Variants in SLC24A3 observed in about 807,000 individuals in gnomAD.
The protein encoded by SLC24A3 is solute carrier family 24 member 3.
Under a neutral mutation model 75.8 loss-of-function variants are expected in SLC24A3, and 28 were observed. The observed-to-expected ratio is 0.37, with a 90% CI of 0.27 to 0.51. The LOEUF (loss-of-function observed/expected upper bound fraction) is 0.51. SLC24A3 is among the 20% of genes least tolerant of loss of function. The pLI is 0.94. For missense variants in SLC24A3, 663 were observed against 847.8 expected (o/e 0.78, Z 2.71); for synonymous variants, 372 against 334.1 (o/e 1.11, Z -1.24).
chr20:19,222,455 G>T (rs1981741085), intron 1 of SLC24A3, among the ~76,000 whole-genome samples: 1 of 152,090 alleles, frequency 6.6e-6, no homozygotes, highest in African/African-American at 2.4e-5. Context: ...ATTTTATTGG[G>T]CAATGCTTCA....
At chr20:19,719,315 G>A (rs573584217) in intron 16 of SLC24A3, among the ~76,000 whole-genome samples, 5 of 152,316 alleles carry the variant, frequency 3.3e-5, no homozygotes, top group East Asian at 3.9e-4. Context: ...AGGAAAAAAA[G>A]TGTTATTTTA....
intron 2 of SLC24A3, among the ~76,000 whole-genome samples, chr20:19,417,892 C>G (rs766316825): frequency 6.6e-6 from 1 of 152,140 alleles, no homozygotes; most frequent in East Asian, 1.9e-4. Context: ...GAAATGAAAG[C>G]CAGACCTGTA....
chr20:19,497,060 A>AGCGATTT (rs1988300268), intron 2 of SLC24A3, among the ~76,000 whole-genome samples: 1 of 152,166 alleles, frequency 6.6e-6, no homozygotes, highest in South Asian at 2.1e-4. Context: ...ATGGGGTACC[A>AGCGATTT]GCGATTTGCC....
At chr20:19,234,721 GAGA>G (rs1254490604) in intron 1 of SLC24A3, among the ~76,000 whole-genome samples, 2 of 152,210 alleles carry the variant, frequency 1.3e-5, no homozygotes, top group East Asian at 1.9e-4. Flanking sequence ...ATGAGGCCAT[GAGA>G]AGAAGGTGAA....
intron 1 of SLC24A3, among the ~76,000 whole-genome samples, chr20:19,251,660 C>A (rs978025139): frequency 2.0e-5 from 3 of 152,162 alleles, no homozygotes; most frequent in African/African-American, 7.2e-5. Context: ...ATTGATCCAC[C>A]TAATTCAGTC....
At chr20:19,449,203 C>T (rs1260975414) in intron 2 of SLC24A3, among the ~76,000 whole-genome samples, 1 of 149,880 alleles carries the variant, frequency 6.7e-6, no homozygotes, top group Non-Finnish European at 1.5e-5. Context: ...GCAGAGTTCT[C>T]TACCACCCCC....
At chr20:19,434,666 C>CTCTGGATGG (rs1261470365) in intron 2 of SLC24A3, among the ~76,000 whole-genome samples, 1 of 152,056 alleles carries the variant, frequency 6.6e-6, no homozygotes, top group Non-Finnish European at 1.5e-5. Flanking sequence ...GCACAGCTGC[C>CTCTGGATGG]TCTGGATGGT....
intron 6 of SLC24A3, among the ~76,000 whole-genome samples, chr20:19,590,950 G>T (rs1394016984): frequency 6.6e-6 from 1 of 152,186 alleles, no homozygotes. Flanking sequence ...AGACAGTCCT[G>T]CTGAGGCCCC....
Position 19,672,858 on chromosome 20 carries a change from C to G in SLC24A3, c.714-743C>G, listed in dbSNP as rs114981520. 6.8e-3 allele frequency among the ~76,000 whole-genome samples: 1,041 copies of G among 152,266 alleles called. 10 individuals carry two copies. The highest frequency in any genetic ancestry group is 0.024 in the African/African-American group (982 of 41,536). On this transcript the variant is annotated intron_variant, in intron 8 of 16. Transcript: ENST00000328041. ...AAGAGAAAAGGAAGGATGGGTATAA[C>G]CTGGAGTTTCCTCATCTGACCATTC...
intron 3 of SLC24A3, among the ~76,000 whole-genome samples, chr20:19,578,751 A>C (rs2031177492): frequency 6.6e-6 from 1 of 152,182 alleles, no homozygotes; most frequent in Non-Finnish European, 1.5e-5. Context: ...TGCTTTGAGA[A>C]GCAAGTAACA....
chr20:19,461,892 A>C (rs954595378), intron 2 of SLC24A3, among the ~76,000 whole-genome samples: 7 of 152,182 alleles, frequency 4.6e-5, no homozygotes, highest in Non-Finnish European at 8.8e-5. Context: ...GGGAAAGTAT[A>C]AGCATTTTCC....
At chr20:19,262,404 C>CAAAAAA (rs58691860) in intron 1 of SLC24A3, among the ~76,000 whole-genome samples, 39 of 75,606 alleles carry the variant, frequency 5.2e-4, no homozygotes, top group East Asian at 8.1e-4. Context: ...GACTCCGTCT[C>CAAAAAA]AAAAAAAAAA....
At chr20:19,641,485 A>G (rs551993432) in intron 6 of SLC24A3, among the ~76,000 whole-genome samples, 17 of 152,214 alleles carry the variant, frequency 1.1e-4, no homozygotes, top group African/African-American at 2.9e-4. Context: ...TGGTGTGTGG[A>G]CTCTGAGATA....
intron 2 of SLC24A3, among the ~76,000 whole-genome samples, chr20:19,481,505 G>T (rs1329487079): frequency 6.6e-6 from 1 of 152,216 alleles, no homozygotes; most frequent in Non-Finnish European, 1.5e-5. Flanking sequence ...AATAGGAGAA[G>T]AATCTGGCAG....
chr20:19,639,994 C>G (rs541325664), intron 6 of SLC24A3, among the ~76,000 whole-genome samples: 116 of 152,360 alleles, frequency 7.6e-4, no homozygotes, highest in Admixed American at 4.9e-3. Context: ...GAGCGCAGCC[C>G]TGATTCCCGC....
At chr20:19,417,831 G>A (rs1351487242) in intron 2 of SLC24A3, among the ~76,000 whole-genome samples, 1 of 152,132 alleles carries the variant, frequency 6.6e-6, no homozygotes, top group South Asian at 2.1e-4. Context: ...ACAATAGTGG[G>A]AGTAAGTGAA....
At position 19,375,047 on chromosome 20, in the gene SLC24A3, C is replaced by T. The variant is rs189883606; in HGVS notation, c.271+93960C>T. On this transcript the variant is annotated intron_variant, in intron 2 of 16. Coordinates refer to ENST00000328041, the MANE Select transcript of SLC24A3 (RefSeq NM_020689.4). ...CCCAGGGATAACTGATGCAACCACT[C>T]ATGCCTCATTGGCTGGTGTCTCTTC... is the stretch of plus-strand genomic sequence containing the variant. Among the ~76,000 whole-genome samples the T allele has an allele frequency of 1.9e-3, 296 of 152,266 alleles. 1 individual carries two copies. Among genetic ancestry groups the T allele is most frequent in the African/African-American group, 6.7e-3 (279 of 41,546 alleles).
intron 2 of SLC24A3, among the ~76,000 whole-genome samples, chr20:19,425,186 CCAGCTA>C (rs1986985051): frequency 6.6e-6 from 1 of 152,006 alleles, no homozygotes. Flanking sequence ...ACCTGTAATC[CCAGCTA>C]CTCAGGAGGC....
intron 2 of SLC24A3, among the ~76,000 whole-genome samples, chr20:19,362,091 A>G (rs748361029): frequency 2.0e-5 from 3 of 152,240 alleles, no homozygotes; most frequent in Non-Finnish European, 4.4e-5. Context: ...GAAATTTTCC[A>G]TTAAAAATAA....
Sources: allele counts gnomAD v4.1 joint callset (sites outside exome capture counted in the v4.1 genomes callset), GRCh38; gene constraint gnomAD v4.1.1; transcripts MANE v1.5; gene names NCBI Gene and HGNC (gene_info 2026-07-23, HGNC 2026-07-21).